KCNMA1: variants seen among roughly 807,000 people sequenced by gnomAD.
KCNMA1 encodes potassium calcium-activated channel subfamily M alpha 1, also known as Calcium-activated potassium channel subunit alpha-1.
In KCNMA1, 29 loss-of-function variants were observed where a neutral mutation model predicts 140.0. The ratio of observed to expected loss-of-function variants is 0.21; its 90% confidence interval spans 0.15 to 0.28. The LOEUF is 0.28. Ranked by LOEUF, KCNMA1 falls within the 10% of genes least tolerant of loss-of-function variation. The pLI is 1.00. For synonymous variants in KCNMA1, 612 were observed against 611.9 expected, an observed-to-expected ratio of 1.00 and a Z score of 0.00; for missense variants, 880 against 1,602.2, an observed-to-expected ratio of 0.55 and a Z score of 7.70.
At chr10:77,499,529 T>C (rs2043122416) in intron 1 of KCNMA1, among the ~76,000 whole-genome samples, 1 of 151,248 alleles carries the variant, frequency 6.6e-6, no homozygotes, top group Admixed American at 6.6e-5. Flanking sequence ...ACAGAAGATA[T>C]CAGATTATCT....
chr10:77,135,094 A>G (rs2097975546), intron 5 of KCNMA1, among the ~76,000 whole-genome samples: 1 of 151,196 alleles, frequency 6.6e-6, no homozygotes, highest in African/African-American at 2.4e-5. Flanking sequence ...TGAAAACTAT[A>G]CATCTGATAA....
At chr10:77,026,492 T>C in intron 16 of KCNMA1, among the ~76,000 whole-genome samples, 1 of 152,186 alleles carries the variant, frequency 6.6e-6, no homozygotes, top group East Asian at 1.9e-4. Flanking sequence ...CCCCAGAAAA[T>C]TCCACCTCAT....
intron 9 of KCNMA1, among the ~76,000 whole-genome samples, chr10:77,095,642 G>A (rs930679754): frequency 6.6e-6 from 1 of 152,168 alleles, no homozygotes; most frequent in Non-Finnish European, 1.5e-5. Flanking sequence ...CTTATTTCAT[G>A]TGCATATCTT....
intron 1 of KCNMA1, among the ~76,000 whole-genome samples, chr10:77,526,984 T>C: frequency 6.6e-6 from 1 of 152,232 alleles, no homozygotes; most frequent in East Asian, 1.9e-4. Flanking sequence ...CCATTTCCTT[T>C]TCAAATCCTT....
At chr10:77,166,319 C>T (rs962081296) in intron 5 of KCNMA1, among the ~76,000 whole-genome samples, 2 of 152,054 alleles carry the variant, frequency 1.3e-5, no homozygotes, top group African/African-American at 4.8e-5. Context: ...ATTCACCTAC[C>T]ACAGTAAGAA....
intron 1 of KCNMA1, among the ~76,000 whole-genome samples, chr10:77,407,262 T>C (rs573687302): frequency 3.3e-4 from 50 of 152,158 alleles, no homozygotes; most frequent in Middle Eastern, 3.4e-3. Flanking sequence ...TAGCCACAGA[T>C]CTTGTGCCTG....
intron 2 of KCNMA1, among the ~76,000 whole-genome samples, chr10:77,377,462 A>C (rs1391891533): frequency 6.6e-6 from 1 of 152,190 alleles, no homozygotes; most frequent in Non-Finnish European, 1.5e-5. Flanking sequence ...GTGGCCAGGC[A>C]GGCAGGCGTC....
rs80104028 is a variant in KCNMA1 at position 77,389,286 on chromosome 10, T to G, written c.540+14576A>C. On this transcript the variant is annotated intron_variant, in intron 2 of 27. Coordinates refer to ENST00000286628, the MANE Select transcript of KCNMA1 (RefSeq NM_001161352.2). Reference sequence around the variant, plus strand: ...GCTACCTTGCTCCAGAAATAAAAAATGACTTTGGCCACAGTAATGTTTCCT... The same window carrying G: ...GCTACCTTGCTCCAGAAATAAAAAAGGACTTTGGCCACAGTAATGTTTCCT... Among the ~76,000 whole-genome samples, 649 of 152,282 alleles carry G rather than the reference T, an allele frequency of 4.3e-3. 2 individuals carry two copies. Among genetic ancestry groups the G allele is most frequent in the Admixed American group, 9.4e-3 (144 of 15,302 alleles).
chr10:77,360,791 C>T (rs1161645667), intron 2 of KCNMA1, among the ~76,000 whole-genome samples: 1 of 152,194 alleles, frequency 6.6e-6, no homozygotes, highest in African/African-American at 2.4e-5. Flanking sequence ...AGAAGAGGTG[C>T]TCTGGGTGAA....
At chr10:77,409,928 T>C (rs1469488410) in intron 1 of KCNMA1, among the ~76,000 whole-genome samples, 2 of 152,208 alleles carry the variant, frequency 1.3e-5, no homozygotes, top group East Asian at 3.9e-4. Flanking sequence ...AGTCCTGCCT[T>C]GTCACCCTGC....
chr10:77,578,301 G>C lies in KCNMA1; in HGVS notation c.378+58964C>G, dbSNP rs11002208. Among the ~76,000 whole-genome samples, 1,081 of 152,160 alleles carry C rather than the reference G, an allele frequency of 7.1e-3. 24 individuals carry two copies. Among genetic ancestry groups the C allele is most frequent in the East Asian group, 0.051 (263 of 5,168 alleles). On this transcript the variant is annotated intron_variant, in intron 1 of 27. Transcript: ENST00000286628. ...GTCAGAAAACCAGAACTCTGGTCCC[G>C]GCTGTGCCGCTGATCAGCCCGGTGG...
chr10:77,176,500 G>A (rs908564618), intron 5 of KCNMA1, among the ~76,000 whole-genome samples: 4 of 152,134 alleles, frequency 2.6e-5, no homozygotes, highest in Non-Finnish European at 4.4e-5. Flanking sequence ...GGGTGTGGGA[G>A]GGTGTTGAGC....
At position 77,221,969 on chromosome 10, in the gene KCNMA1, T is replaced by A. The variant is rs550825051; in HGVS notation, c.602+29226A>T. On this transcript the variant is annotated intron_variant, in intron 3 of 27. Coordinates refer to ENST00000286628, the MANE Select transcript of KCNMA1 (RefSeq NM_001161352.2). ...TGCATGAATTTAGACAAATGTCAAATTCTCTGAGCCTATTTCATCATCTGT... is the reference window on the plus strand; with the variant it reads ...TGCATGAATTTAGACAAATGTCAAAATCTCTGAGCCTATTTCATCATCTGT... Among the ~76,000 whole-genome samples the A allele has an allele frequency of 4.6e-5, 7 of 152,100 alleles. No individual in the cohort carries two copies. In the East Asian group the frequency reaches 1.2e-3, roughly 25 times the overall value.
intron 2 of KCNMA1, among the ~76,000 whole-genome samples, chr10:77,381,599 T>C (rs1191483496): frequency 6.6e-6 from 1 of 152,176 alleles, no homozygotes; most frequent in African/African-American, 2.4e-5. Context: ...CACTAGAGCC[T>C]GTTGGGACCC....
intron 23 of KCNMA1, among the ~76,000 whole-genome samples, chr10:76,941,567 C>T (rs2062418835): frequency 6.6e-6 from 1 of 152,100 alleles, no homozygotes; most frequent in Non-Finnish European, 1.5e-5. Context: ...GAGGAGCAGA[C>T]AGACAGACAA....
intron 1 of KCNMA1, among the ~76,000 whole-genome samples, chr10:77,610,858 A>T (rs1432684594): frequency 6.6e-6 from 1 of 152,254 alleles, no homozygotes; most frequent in African/African-American, 2.4e-5. Flanking sequence ...GTACACTTTA[A>T]AAGAAGGAAT....
intron 2 of KCNMA1, among the ~76,000 whole-genome samples, chr10:77,398,000 A>G (rs887467032): frequency 1.3e-5 from 2 of 151,140 alleles, no homozygotes; most frequent in Admixed American, 6.6e-5. Context: ...TATATATATA[A>G]ATGTAATATA....
intron 1 of KCNMA1, among the ~76,000 whole-genome samples, chr10:77,496,522 G>C (rs35727882): frequency 6.6e-6 from 1 of 150,466 alleles, no homozygotes; most frequent in African/African-American, 2.4e-5. Context: ...GCGTGAACCC[G>C]GGAGGCAAAG....
chr10:77,378,773 A>G (rs1337755775), intron 2 of KCNMA1, among the ~76,000 whole-genome samples: 4 of 152,360 alleles, frequency 2.6e-5, no homozygotes, highest in East Asian at 1.9e-4. Flanking sequence ...AACATAAAGC[A>G]TGGTGCAATC....
Sources: allele counts gnomAD v4.1 joint callset (sites outside exome capture counted in the v4.1 genomes callset), GRCh38; gene constraint gnomAD v4.1.1; transcripts MANE v1.5; gene names NCBI Gene and HGNC (gene_info 2026-07-23, HGNC 2026-07-21).